FGGY: variants seen among roughly 807,000 people sequenced by gnomAD.
FGGY encodes FGGY carbohydrate kinase domain containing, also known as FGGY carbohydrate kinase domain-containing protein.
In FGGY, 72 loss-of-function variants were observed where a neutral mutation model predicts 71.3. That is an observed-to-expected ratio of 1.01 (90% confidence interval 0.84 to 1.23). The LOEUF (loss-of-function observed/expected upper bound fraction) is 1.23, where lower values mean the gene tolerates loss of function less well. Ranked by LOEUF, FGGY falls within the 50% of genes most tolerant of loss-of-function variation. The pLI is 0.00. For missense variants in FGGY, 668 were observed against 682.3 expected, an observed-to-expected ratio of 0.98 and a Z score of 0.23; for synonymous variants, 251 against 250.3, an observed-to-expected ratio of 1.00 and a Z score of -0.02.
intron 6 of FGGY, among the ~76,000 whole-genome samples, chr1:59,491,247 A>G (rs834672): frequency 0.45 from 66,067 of 146,912 alleles, 14,855 homozygotes; most frequent in Middle Eastern, 0.52. Context: ...GCTTTTTTCT[A>G]TTTCTGTGAA....
intron 6 of FGGY, among the ~76,000 whole-genome samples, chr1:59,503,760 A>G (rs897042579): frequency 6.6e-6 from 1 of 151,764 alleles, no homozygotes; most frequent in South Asian, 2.1e-4. Context: ...AATATGTATA[A>G]TAACACCACA....
At position 59,376,121 on chromosome 1, in the gene FGGY, G is replaced by A. The variant is rs564387050; in HGVS notation, c.466-2628G>A. 4.6e-5 allele frequency among the ~76,000 whole-genome samples: 7 copies of A among 152,216 alleles called. No individual in the cohort carries two copies. In the South Asian group the frequency reaches 6.2e-4, roughly 14 times the overall value. On this transcript the variant is annotated intron_variant, in intron 4 of 15. Transcript: ENST00000303721. ...CCATTCTGGTAGTTTGATTCACATC[G>A]TCTCAAAGGCTACCATTTTCTGACT...
intron 11 of FGGY, among the ~76,000 whole-genome samples, chr1:59,657,179 G>T (rs955002229): frequency 6.6e-6 from 1 of 152,118 alleles, no homozygotes; most frequent in Non-Finnish European, 1.5e-5. Context: ...AAGCACTGGG[G>T]TTCCTAATAA....
chr1:59,697,870 G>T, intron 14 of FGGY: 1 of 408,296 alleles, frequency 2.4e-6, no homozygotes, highest in Non-Finnish European at 4.1e-6. Context: ...TTTAAAAGTG[G>T]GTTTTCAAAT....
intron 2 of FGGY, among the ~76,000 whole-genome samples, chr1:59,325,911 T>G (rs532250603): frequency 6.6e-6 from 1 of 152,344 alleles, no homozygotes; most frequent in East Asian, 1.9e-4. Context: ...TTTGGCAGGT[T>G]TTATTGGGCT....
chr1:59,516,912 G>A (rs1157826059), intron 7 of FGGY, among the ~76,000 whole-genome samples: 3 of 152,068 alleles, frequency 2.0e-5, no homozygotes, highest in Admixed American at 1.3e-4. Context: ...TGGGATGGGA[G>A]GATAAAGATC....
At chr1:59,521,042 G>GC (rs978704076) in intron 7 of FGGY, among the ~76,000 whole-genome samples, 1 of 143,028 alleles carries the variant, frequency 7.0e-6, no homozygotes, top group Non-Finnish European at 1.5e-5. Flanking sequence ...GGGGTGGGGG[G>GC]GGATTAGAAA....
intron 5 of FGGY, among the ~76,000 whole-genome samples, chr1:59,439,635 C>T (rs959337297): frequency 3.3e-5 from 5 of 152,110 alleles, no homozygotes; most frequent in Admixed American, 2.0e-4. Context: ...CTCAGATGAT[C>T]GAAACCCTCC....
chr1:59,494,595 T>C (rs2093975988), intron 6 of FGGY, among the ~76,000 whole-genome samples: 1 of 152,080 alleles, frequency 6.6e-6, no homozygotes, highest in Non-Finnish European at 1.5e-5. Flanking sequence ...CAAAGGGAAA[T>C]GATGATTTTA....
At chr1:59,351,421 C>T (rs758114052) in intron 4 of FGGY, among the ~76,000 whole-genome samples, 4 of 152,204 alleles carry the variant, frequency 2.6e-5, no homozygotes, top group East Asian at 1.9e-4. Context: ...ATCAGAGTCT[C>T]TTGTTATTAC....
chr1:59,726,105 G>A (rs2097944708), intron 14 of FGGY, among the ~76,000 whole-genome samples: 1 of 151,972 alleles, frequency 6.6e-6, no homozygotes, highest in Non-Finnish European at 1.5e-5. Flanking sequence ...ATAGTTTGCT[G>A]TGAATTTTTA....
intron 8 of FGGY, among the ~76,000 whole-genome samples, chr1:59,584,243 T>C (rs1303503381): frequency 6.7e-6 from 1 of 149,714 alleles, no homozygotes; most frequent in African/African-American, 2.5e-5. Context: ...CCAATATCCC[T>C]GATGAACATC....
intron 6 of FGGY, among the ~76,000 whole-genome samples, chr1:59,470,766 A>G (rs922241238): frequency 4.6e-5 from 7 of 152,178 alleles, no homozygotes; most frequent in African/African-American, 7.2e-5. Flanking sequence ...TTAATATTCA[A>G]TGTTCTGAAT....
intron 8 of FGGY, among the ~76,000 whole-genome samples, chr1:59,594,467 A>C (rs1326132111): frequency 6.6e-6 from 1 of 152,216 alleles, no homozygotes; most frequent in Admixed American, 6.5e-5. Flanking sequence ...AGAGGGCCTC[A>C]TAACTTGCTG....
chr1:59,670,735 A>G (rs1178512095), intron 13 of FGGY, among the ~76,000 whole-genome samples: 2 of 151,942 alleles, frequency 1.3e-5, no homozygotes, highest in Non-Finnish European at 2.9e-5. Flanking sequence ...AAAGCAGCTT[A>G]TTATTTTGAA....
At chr1:59,533,988 T>C (rs986633552) in intron 7 of FGGY, among the ~76,000 whole-genome samples, 1 of 152,158 alleles carries the variant, frequency 6.6e-6, no homozygotes, top group Admixed American at 6.5e-5. Context: ...GGAGAATGAC[T>C]TTGAAGAGCT....
chr1:59,473,096 T>A (rs1425389416), intron 6 of FGGY, among the ~76,000 whole-genome samples: 1 of 152,174 alleles, frequency 6.6e-6, no homozygotes, highest in Non-Finnish European at 1.5e-5. Context: ...TCGGGTCCCC[T>A]TCCACACTGT....
intron 5 of FGGY, among the ~76,000 whole-genome samples, chr1:59,394,799 T>G (rs1478774435): frequency 6.6e-6 from 1 of 152,130 alleles, no homozygotes; most frequent in Non-Finnish European, 1.5e-5. Context: ...AAATGCACAT[T>G]ATTCAGAAAA....
At chr1:59,392,486 A>T (rs2060817491) in intron 5 of FGGY, among the ~76,000 whole-genome samples, 1 of 152,028 alleles carries the variant, frequency 6.6e-6, no homozygotes, top group Non-Finnish European at 1.5e-5. Context: ...TGCTGCTTGG[A>T]GTGGGTGATT....
Sources: allele counts gnomAD v4.1 joint callset (sites outside exome capture counted in the v4.1 genomes callset), GRCh38; gene constraint gnomAD v4.1.1; transcripts MANE v1.5; gene names NCBI Gene and HGNC (gene_info 2026-07-23, HGNC 2026-07-21).